SNTG1: variants seen among roughly 807,000 people sequenced by gnomAD.
SNTG1 encodes syntrophin gamma 1, also known as gamma-1-syntrophin.
A neutral mutation model predicts 74.7 loss-of-function variants in SNTG1; 39 were observed. The ratio of observed to expected loss-of-function variants is 0.52; its 90% CI spans 0.40 to 0.68. SNTG1 has a LOEUF of 0.68. SNTG1 is among the 30% of genes least tolerant of loss of function. The pLI is 0.00. For missense variants in SNTG1, 685 were observed against 609.5 expected, an observed-to-expected ratio of 1.12 and a Z score of -1.30; for synonymous variants, 254 against 217.1, an observed-to-expected ratio of 1.17 and a Z score of -1.49.
intron 6 of SNTG1, among the ~76,000 whole-genome samples, chr8:50,450,140 A>G (rs1442339725): frequency 6.6e-6 from 1 of 152,238 alleles, no homozygotes; most frequent in Non-Finnish European, 1.5e-5. Flanking sequence ...TGGAGATATA[A>G]AGCAGATGTT....
intron 1 of SNTG1, among the ~76,000 whole-genome samples, chr8:49,954,797 T>G (rs73677824): frequency 0.011 from 1,669 of 152,302 alleles, 33 homozygotes; most frequent in African/African-American, 0.038. Flanking sequence ...GCAATATTAC[T>G]GTAAGTAATA....
intron 2 of SNTG1, among the ~76,000 whole-genome samples, chr8:50,187,440 G>A (rs527283275): frequency 4.2e-4 from 64 of 152,252 alleles, no homozygotes; most frequent in Middle Eastern, 3.4e-3. Flanking sequence ...TTAAGAAATG[G>A]TTCTGGGTAA....
chr8:50,144,305 T>A (rs569412001), intron 1 of SNTG1, among the ~76,000 whole-genome samples: 2 of 152,180 alleles, frequency 1.3e-5, no homozygotes, highest in African/African-American at 4.8e-5. Flanking sequence ...GAAGGAAACA[T>A]AAAAATGGAG....
intron 1 of SNTG1, among the ~76,000 whole-genome samples, chr8:50,059,846 T>A (rs1293299056): frequency 1.3e-5 from 2 of 152,140 alleles, no homozygotes; most frequent in Non-Finnish European, 2.9e-5. Context: ...TCATTTCTCT[T>A]AAGTATATAC....
At chr8:50,651,097 T>C (rs575331703) in intron 13 of SNTG1, among the ~76,000 whole-genome samples, 2 of 152,350 alleles carry the variant, frequency 1.3e-5, no homozygotes, top group East Asian at 1.9e-4. Flanking sequence ...TGGATATTAG[T>C]AATTTATGCT....
chr8:50,734,950 T>C (rs993717081), intron 17 of SNTG1, among the ~76,000 whole-genome samples: 1 of 60,668 alleles, frequency 1.6e-5, no homozygotes, highest in Admixed American at 1.4e-4. Context: ...TATATGGACA[T>C]ATATATCTAT....
chr8:50,580,894 C>A (rs2094606267), intron 12 of SNTG1, among the ~76,000 whole-genome samples: 1 of 152,088 alleles, frequency 6.6e-6, no homozygotes, highest in African/African-American at 2.4e-5. Context: ...AGGACAGGGC[C>A]TACATCCTAG....
chr8:50,503,472 T>G (rs2093981102), intron 9 of SNTG1, among the ~76,000 whole-genome samples: 1 of 152,208 alleles, frequency 6.6e-6, no homozygotes, highest in African/African-American at 2.4e-5. Context: ...GTCGGATCAG[T>G]TCTGAAAAGG....
intron 1 of SNTG1, among the ~76,000 whole-genome samples, chr8:50,006,117 C>T (rs961323531): frequency 5.9e-5 from 9 of 151,718 alleles, no homozygotes; most frequent in African/African-American, 2.2e-4. Flanking sequence ...TGCATGCCAC[C>T]ATGCCCAGCT....
At chr8:50,786,955 C>T (rs1320136710) in intron 18 of SNTG1, among the ~76,000 whole-genome samples, 2 of 151,858 alleles carry the variant, frequency 1.3e-5, no homozygotes, top group African/African-American at 2.4e-5. Flanking sequence ...ACACCAAAAG[C>T]ACAAGAATCA....
intron 2 of SNTG1, among the ~76,000 whole-genome samples, chr8:50,393,966 G>A (rs1321377734): frequency 6.6e-6 from 1 of 152,142 alleles, no homozygotes; most frequent in East Asian, 1.9e-4. Flanking sequence ...AAAGGTGCCT[G>A]GAAATGCACA....
chr8:50,538,557 C>T (rs1585615893), intron 11 of SNTG1, among the ~76,000 whole-genome samples: 1 of 151,940 alleles, frequency 6.6e-6, no homozygotes, highest in East Asian at 1.9e-4. Flanking sequence ...ATCAGTGTCC[C>T]CTGTAAGTAA....
chr8:50,459,916 G>A (rs1019006083), intron 8 of SNTG1, among the ~76,000 whole-genome samples: 1 of 152,148 alleles, frequency 6.6e-6, no homozygotes, highest in African/African-American at 2.4e-5. Flanking sequence ...TTCCCTTGGT[G>A]GGGACTTAGG....
intron 2 of SNTG1, among the ~76,000 whole-genome samples, chr8:50,304,387 G>A (rs1265579841): frequency 1.3e-5 from 2 of 152,098 alleles, no homozygotes; most frequent in Non-Finnish European, 2.9e-5. Flanking sequence ...AGTAGAAAAT[G>A]GACAAAGACA....
Position 50,576,322 on chromosome 8 carries a change from T to C in SNTG1, c.811-14557T>C, listed in dbSNP as rs138196379. 5.8e-3 allele frequency among the ~76,000 whole-genome samples: 886 copies of C among 152,304 alleles called. 7 individuals are homozygous for C. The highest frequency in any genetic ancestry group is 8.4e-3 in the Non-Finnish European group (571 of 68,028). On this transcript the variant is annotated intron_variant, in intron 12 of 18. Transcript: ENST00000642720. ...GGCTTATTTCTGGACTCTATTCTAT[T>C]CTATGTATCTATGTGCCCGTTTTTA...
chr8:50,228,854 G>A (rs955120653), intron 2 of SNTG1, among the ~76,000 whole-genome samples: 5 of 151,514 alleles, frequency 3.3e-5, no homozygotes, highest in Non-Finnish European at 5.9e-5. Flanking sequence ...CACAGGAGGG[G>A]GAATACATTA....
chr8:50,692,246 A>G (rs1415627673), intron 15 of SNTG1, among the ~76,000 whole-genome samples: 1 of 151,892 alleles, frequency 6.6e-6, no homozygotes, highest in Non-Finnish European at 1.5e-5. Context: ...TCTTCTCTCA[A>G]CTCGTCAAAG....
intron 1 of SNTG1, among the ~76,000 whole-genome samples, chr8:49,998,807 A>AT (rs1053872535): frequency 3.3e-5 from 5 of 152,072 alleles, no homozygotes; most frequent in Admixed American, 6.6e-5. Context: ...TTAGTTAACT[A>AT]TTTTTTGTAT....
chr8:50,030,848 A>C (rs998266903), intron 1 of SNTG1, among the ~76,000 whole-genome samples: 3 of 151,980 alleles, frequency 2.0e-5, no homozygotes, highest in Non-Finnish European at 2.9e-5. Flanking sequence ...TATATATTTT[A>C]GAATAATTCT....
Sources: gnomAD v4.1 joint callset for allele counts (sites outside exome capture counted in the v4.1 genomes callset) on GRCh38, gnomAD v4.1.1 for gene constraint, MANE v1.5 for transcripts, NCBI Gene and HGNC (gene_info 2026-07-23, HGNC 2026-07-21) for gene names.